The following FBN1 variants were observed in gnomAD, a reference collection of about 807,000 sequenced individuals.
FBN1 encodes the protein fibrillin 1.
A neutral mutation model predicts 365.1 loss-of-function variants in FBN1; 29 were observed. That is an observed-to-expected ratio of 0.08 (90% CI 0.06 to 0.11). The LOEUF is 0.11. FBN1 is among the 10% of genes least tolerant of loss of function. FBN1 has a pLI of 1.00. For missense variants in FBN1, 2,476 were observed against 3,703.2 expected, an observed-to-expected ratio of 0.67 and a Z score of 8.60; for synonymous variants, 1,210 against 1,270.5, an observed-to-expected ratio of 0.95 and a Z score of 1.01.
chr15:48,435,666 ATGTGTGTGTGTGTGTGTGTGTG>A (rs3074870), intron 53 of FBN1, among the ~76,000 whole-genome samples: 1 of 145,540 alleles, frequency 6.9e-6, no homozygotes. Context: ...GAGACCTAAA[ATGTGTGTGTGTGTGTGTGTGTG>A]TGCATGTGTG....
Position 48,525,382 on chromosome 15 carries a change from C to T in FBN1, c.988+748G>A, listed in dbSNP as rs558576411. ...CTGGGATTAGAGGTGTGAGCTACTG[C>T]GCCCAGCCAAATCTATTTTTTAAAC... On this transcript the variant is annotated intron_variant, in intron 9 of 65. Coordinates refer to ENST00000316623, the MANE Select transcript of FBN1 (RefSeq NM_000138.5). Among the ~76,000 whole-genome samples the T allele has an allele frequency of 4.6e-5, 7 of 152,292 alleles. No individual in the cohort carries two copies. In the South Asian group the frequency reaches 1.0e-3, roughly 23 times the overall value.
intron 6 of FBN1, among the ~76,000 whole-genome samples, chr15:48,587,560 CT>C (rs2044447122): frequency 6.6e-6 from 1 of 152,334 alleles, no homozygotes; most frequent in South Asian, 2.1e-4. Context: ...AGGGTCCTCC[CT>C]TTTCCCCAGG....
At chr15:48,583,496 G>A (rs1162920835) in intron 6 of FBN1, among the ~76,000 whole-genome samples, 1 of 152,180 alleles carries the variant, frequency 6.6e-6, no homozygotes, top group African/African-American at 2.4e-5. Context: ...ACAGCCACCT[G>A]GAAACTGTAT....
At position 48,513,666 on chromosome 15, in the gene FBN1, C is replaced by T. The variant is rs373751659; in HGVS notation, c.1471G>A (p.Val491Ile). The change falls in exon 13 of 66, where the codon GTT (valine) becomes ATT (isoleucine). Residue 491 changes from valine (V) to isoleucine (I), a missense_variant and splice_region_variant. Val to Ile is a conservative substitution (Grantham distance 29). Transcript: ENST00000316623. ...QLDLRGECID[V>I]DECEKNPCAG... ...CAGGGGTTTTTCTCACATTCATCAA[C>T]ATCTGCAAAGCACAATGTATTTTAG... The T allele has an allele frequency of 2.5e-6, 4 of 1,613,826 alleles. No homozygotes were observed. The highest frequency in any genetic ancestry group is 3.3e-5 in the Admixed American group (2 of 59,982).
Position 48,415,681 on chromosome 15 carries a change from C to T in FBN1, c.7906G>A (p.Gly2636Ser), listed in dbSNP as rs112566465. The change falls in exon 64 of 66, where the codon GGC becomes AGC. Residue 2636 changes from glycine (G) to serine (S), a missense_variant. Transcript: ENST00000316623. Reference sequence around the variant, plus strand: ...CCACTGAACTGTTCATACTGGAAGCCGGCGGGACACATGCACTTGTAGCTC... The same window carrying T: ...CCACTGAACTGTTCATACTGGAAGCTGGCGGGACACATGCACTTGTAGCTC... ...LGSYKCMCPA[G>S]FQYEQFSGGC... The T allele has an allele frequency of 4.3e-6, 7 of 1,614,062 alleles. No individual in the cohort carries two copies. The highest frequency in any genetic ancestry group is 5.9e-6 in the Non-Finnish European group (7 of 1,180,046).
chr15:48,561,639 C>G (rs1292963639), intron 6 of FBN1, among the ~76,000 whole-genome samples: 1 of 152,062 alleles, frequency 6.6e-6, no homozygotes, highest in Non-Finnish European at 1.5e-5. Context: ...TAGACTTTAT[C>G]AACAATTTTT....
chr15:48,580,253 A>G (rs1322744580), intron 6 of FBN1, among the ~76,000 whole-genome samples: 1 of 152,140 alleles, frequency 6.6e-6, no homozygotes, highest in African/African-American at 2.4e-5. Flanking sequence ...CAAGCGTGAC[A>G]TTTGTATTTC....
At chr15:48,581,688 C>T (rs2044393165) in intron 6 of FBN1, among the ~76,000 whole-genome samples, 3 of 152,058 alleles carry the variant, frequency 2.0e-5, no homozygotes. Flanking sequence ...AGCAAAGTGT[C>T]AGCAGTCTGA....
At chr15:48,549,154 T>C (rs1468394601) in intron 6 of FBN1, among the ~76,000 whole-genome samples, 1 of 152,252 alleles carries the variant, frequency 6.6e-6, no homozygotes, top group African/African-American at 2.4e-5. Context: ...TTCAGATTTC[T>C]CTAGTTATGG....
intron 6 of FBN1, among the ~76,000 whole-genome samples, chr15:48,543,378 C>G (rs931876445): frequency 6.6e-6 from 1 of 152,184 alleles, no homozygotes; most frequent in Admixed American, 6.5e-5. Context: ...GCATCAGTAA[C>G]ACCAAAAGTC....
chr15:48,567,998 T>TAAAGA (rs913796914), intron 6 of FBN1, among the ~76,000 whole-genome samples: 3 of 56,534 alleles, frequency 5.3e-5, no homozygotes, highest in Non-Finnish European at 9.0e-5. Flanking sequence ...AGTATACAGA[T>TAAAGA]AAGAAAGAAA....
chr15:48,409,934 T>C lies in FBN1; in HGVS notation c.*1056A>G, dbSNP rs933732102. 2 of 152,422 alleles carry C rather than the reference T, an allele frequency of 1.3e-5. No homozygotes were observed. Among genetic ancestry groups the C allele is most frequent in the African/African-American group, 4.8e-5 (2 of 41,456 alleles). 9.4% of individuals were successfully genotyped at this position (152,422 alleles called of 1,614,324 possible). On this transcript the variant is annotated 3_prime_UTR_variant, in exon 66 of 66. Coordinates refer to ENST00000316623, the MANE Select transcript of FBN1 (RefSeq NM_000138.5). ...AGGGATCGACTCATATGTTAAATTTTCTTCTAGTGGTTATACATTTGGTAC... is the reference window on the plus strand; with the variant it reads ...AGGGATCGACTCATATGTTAAATTTCCTTCTAGTGGTTATACATTTGGTAC...
chr15:48,601,513 C>T (rs570965604), intron 4 of FBN1, among the ~76,000 whole-genome samples: 19 of 152,266 alleles, frequency 1.2e-4, no homozygotes, highest in Admixed American at 1.2e-3. Context: ...AAGAGAATAT[C>T]TTCTTTCTAC....
chr15:48,521,424 A>C (rs964044607), intron 9 of FBN1, among the ~76,000 whole-genome samples: 1 of 152,188 alleles, frequency 6.6e-6, no homozygotes, highest in African/African-American at 2.4e-5. Flanking sequence ...AGATTTTATA[A>C]GGTACTAGTT....
In FBN1 at chr15:48,530,946, A is replaced by C. The variant is rs7182442; in HGVS notation, c.862+3134T>G. On this transcript the variant is annotated intron_variant, in intron 8 of 65. Coordinates refer to ENST00000316623, the MANE Select transcript of FBN1 (RefSeq NM_000138.5). ...ATCCAACGGACTTCTTCCAGAAATA[A>C]AACTTAATCCCTTAATTACGCTTTT... Among the ~76,000 whole-genome samples the C allele has an allele frequency of 7.1e-3, 1,075 of 152,344 alleles. 19 individuals are homozygous for C. Among genetic ancestry groups the C allele is most frequent in the African/African-American group, 0.025 (1,027 of 41,576 alleles).
At chr15:48,640,379 A>G (rs139109958) in intron 2 of FBN1, among the ~76,000 whole-genome samples, 15 of 152,302 alleles carry the variant, frequency 9.8e-5, no homozygotes, top group African/African-American at 3.6e-4. Flanking sequence ...TGTAAACCAT[A>G]CCCCTGCAGG....
chr15:48,509,482 T>C (rs1330443902), intron 14 of FBN1, among the ~76,000 whole-genome samples: 4 of 147,798 alleles, frequency 2.7e-5, no homozygotes, highest in Non-Finnish European at 6.0e-5. Flanking sequence ...TATATATTAT[T>C]TATATTTTAG....
chr15:48,489,795 G>A, intron 25 of FBN1, 56 bp downstream of exon 25: 1 of 1,348,178 alleles, frequency 7.4e-7, no homozygotes, highest in South Asian at 1.2e-5. Context: ...TCATGAAAAT[G>A]CATCCTATTT....
At chr15:48,640,314 T>C (rs2140779388) in intron 2 of FBN1, among the ~76,000 whole-genome samples, 1 of 152,306 alleles carries the variant, frequency 6.6e-6, no homozygotes, top group Admixed American at 6.5e-5. Flanking sequence ...GAACACTATA[T>C]CCTTTTTTAA....
Sources: allele counts gnomAD v4.1 joint callset (sites outside exome capture counted in the v4.1 genomes callset), GRCh38; gene constraint gnomAD v4.1.1; transcripts MANE v1.5; gene names NCBI Gene and HGNC (gene_info 2026-07-23, HGNC 2026-07-21).